Variants in ENOSF1 observed in about 807,000 individuals in gnomAD.
ENOSF1 encodes the protein mitochondrial enolase superfamily member 1.
Under a neutral mutation model 68.2 loss-of-function variants are expected in ENOSF1, and 73 were observed. The ratio of observed to expected loss-of-function variants is 1.07; its 90% CI spans 0.89 to 1.30. ENOSF1 has a LOEUF of 1.30. Ranked by LOEUF, ENOSF1 falls within the 50% of genes most tolerant of loss-of-function variation. The pLI is 0.00. For synonymous variants in ENOSF1, 223 were observed against 210.4 expected (o/e 1.06, Z -0.52); for missense variants, 589 against 554.5 (o/e 1.06, Z -0.62).
chr18:693,967 G>A (rs1456909062), intron 4 of ENOSF1, 59 bp from the exon 5 acceptor site: 2 of 1,555,622 alleles, frequency 1.3e-6, no homozygotes, highest in Non-Finnish European at 1.7e-6. Context: ...ATTTTTTCCT[G>A]ACAGTAAACG....
At chr18:702,371 G>A (rs1375550734) in intron 2 of ENOSF1, among the ~76,000 whole-genome samples, 1 of 150,766 alleles carries the variant, frequency 6.6e-6, no homozygotes, top group East Asian at 2.0e-4. Context: ...TCAGGAGTTT[G>A]AGACCAGCCT....
downstream of ENOSF1, among the ~76,000 whole-genome samples, chr18:668,124 G>T (rs747382151): frequency 6.6e-6 from 1 of 150,954 alleles, no homozygotes; most frequent in Non-Finnish European, 1.5e-5. Context: ...GTCAGATTTT[G>T]CTAGTTTTAC....
chr18:712,616 C>T lies in ENOSF1; in HGVS notation c.-29G>A, dbSNP rs1433331885. Reference sequence around the variant, plus strand: ...CCCTGCGCCCCGTGGCCGCGGCCCCCGTGCGGTCAGGACTGGTCGGGATCC... The same window carrying T: ...CCCTGCGCCCCGTGGCCGCGGCCCCTGTGCGGTCAGGACTGGTCGGGATCC... On this transcript the variant is annotated 5_prime_UTR_variant, in exon 1 of 16. Transcript: ENST00000647584. The T allele has an allele frequency of 1.7e-5, 22 of 1,298,626 alleles. No individual in the cohort carries two copies. Among genetic ancestry groups the T allele is most frequent in the Non-Finnish European group, 2.2e-5 (22 of 996,420 alleles). 80.4% of individuals were successfully genotyped at this position (1,298,626 alleles called of 1,614,324 possible). A position where few individuals can be genotyped will look rare whatever the true frequency, so the allele number is the denominator to read the frequency against.
chr18:674,297 C>T lies in ENOSF1; in HGVS notation c.*8G>A, dbSNP rs184076791. 3.8e-6 allele frequency: 6 copies of T among 1,596,474 alleles called. No homozygotes were observed. Among genetic ancestry groups the T allele is most frequent in the Non-Finnish European group, 5.1e-6 (6 of 1,168,854 alleles). The stretch of plus-strand genomic sequence containing the variant: ...TTCAGAAAGAAAAAAGTTGTTGGGG[C>T]TGAGCACTTAATTTTCTTGAGCAGG... On this transcript the variant is annotated 3_prime_UTR_variant, in exon 16 of 16. Transcript: ENST00000647584.
At chr18:690,922 C>T (rs551379566) in intron 7 of ENOSF1, 146 bp downstream of exon 7, 1 of 1,185,136 alleles carries the variant, frequency 8.4e-7, no homozygotes, top group Non-Finnish European at 1.2e-6. Context: ...CAGCAGGCTT[C>T]ACCATGCAGA....
intron 11 of ENOSF1, among the ~76,000 whole-genome samples, chr18:679,211 T>TC (rs1370422483): frequency 1.5e-5 from 1 of 67,358 alleles, no homozygotes; most frequent in Non-Finnish European, 3.1e-5. Flanking sequence ...CTCATATCTT[T>TC]TTTTTTTTTT....
chr18:712,606 C>G lies in ENOSF1; in HGVS notation c.-19G>C. On this transcript the variant is annotated 5_prime_UTR_variant, in exon 1 of 16. Coordinates refer to ENST00000647584, the MANE Select transcript of ENOSF1 (RefSeq NM_017512.7). ...GCACCATGGCCCCTGCGCCCCGTGGCCGCGGCCCCCGTGCGGTCAGGACTG... is the reference window on the plus strand; with the variant it reads ...GCACCATGGCCCCTGCGCCCCGTGGGCGCGGCCCCCGTGCGGTCAGGACTG... The G allele has an allele frequency of 5.2e-6, 8 of 1,531,798 alleles. No individual in the cohort carries two copies. The highest frequency in any genetic ancestry group is 7.0e-6 in the Non-Finnish European group (8 of 1,143,702). 94.9% of individuals were successfully genotyped at this position (1,531,798 alleles called of 1,614,324 possible).
intron 9 of ENOSF1, chr18:687,270 G>A (rs2847154): frequency 0.2 from 30,708 of 152,134 alleles, 3,393 homozygotes; most frequent in Admixed American, 0.27. Context: ...CTCTTTCCGC[G>A]GCTTCATGCT....
rs978107696 is a variant in ENOSF1, at chr18:679,711, CCT to C, written c.877-976_877-975del. On this transcript the variant is annotated intron_variant, in intron 11 of 15. Transcript: ENST00000647584. ...TGAACACAGCCCTGCTGCTCTCTGT[CCT>C]CTCACCTGGCCCCTGAACACTACCT... 8.3e-4 allele frequency among the ~76,000 whole-genome samples: 126 copies of C among 152,210 alleles called. 2 individuals carry two copies. Among genetic ancestry groups the C allele is most frequent in the African/African-American group, 3.0e-3 (123 of 41,536 alleles).
chr18:680,202 G>C (rs796355550), intron 11 of ENOSF1, among the ~76,000 whole-genome samples: 1 of 152,198 alleles, frequency 6.6e-6, no homozygotes, highest in South Asian at 2.1e-4. Flanking sequence ...CGGGATGTGT[G>C]GCCTTGGGCA....
rs770503781 is a variant in ENOSF1, at chr18:688,599, G to C, written c.628C>G (p.Gln210Glu). The change falls in exon 9 of 16, where the codon CAG becomes GAG. Residue 210 changes from glutamine to glutamate, a missense_variant. Transcript: ENST00000647584. ...CTGGTCCAGCCATCCTTCAGCGCCT[G>C]GGCACAGAGCTGTGGGAAAGGAGCA... ...SDDTLKQLCA[Q>E]ALKDGWTRFK... is the part of the protein sequence containing the mutation. 8.7e-6 allele frequency: 14 copies of C among 1,614,030 alleles called. No individual in the cohort carries two copies. Among genetic ancestry groups the C allele is most frequent in the Non-Finnish European group, 1.2e-5 (14 of 1,179,996 alleles).
At chr18:679,197 C>T (rs180706488) in intron 11 of ENOSF1, among the ~76,000 whole-genome samples, 1 of 145,096 alleles carries the variant, frequency 6.9e-6, no homozygotes, top group Non-Finnish European at 1.5e-5. Flanking sequence ...CCTTCTAGAA[C>T]CCTCTCATAT....
chr18:688,477 G>C, intron 9 of ENOSF1, 97 bp downstream of exon 9: 14 of 1,527,714 alleles, frequency 9.2e-6, no homozygotes, highest in Non-Finnish European at 1.3e-5. Flanking sequence ...CCTAGCCCGT[G>C]GGTGCCTTTT....
chr18:681,737 G>T (rs2076097381), intron 11 of ENOSF1, among the ~76,000 whole-genome samples: 1 of 152,140 alleles, frequency 6.6e-6, no homozygotes, highest in Admixed American at 6.5e-5. Context: ...TCTCCTCAAT[G>T]AACTTTTCTA....
chr18:680,006 T>C (rs1011520383), intron 11 of ENOSF1, among the ~76,000 whole-genome samples: 6 of 152,216 alleles, frequency 3.9e-5, no homozygotes, highest in South Asian at 2.1e-4. Flanking sequence ...ATGATAAAAC[T>C]GTGTGCCGGG....
chr18:666,302 T>G (rs113382317), downstream of ENOSF1, among the ~76,000 whole-genome samples: 3,910 of 151,968 alleles, frequency 0.026, 173 homozygotes, highest in African/African-American at 0.089. Context: ...ATTGCTTTGT[T>G]GTGGCTTTAA....
intron 8 of ENOSF1, among the ~76,000 whole-genome samples, chr18:690,161 T>C (rs553715050): frequency 6.6e-6 from 1 of 152,208 alleles, no homozygotes; most frequent in East Asian, 1.9e-4. Flanking sequence ...AAGTAGTGTT[T>C]CCCTGAATTC....
chr18:694,049 C>T (rs56189228), intron 4 of ENOSF1, 141 bp from the exon 5 acceptor site: 14,201 of 1,067,500 alleles, frequency 0.013, 122 homozygotes, highest in Non-Finnish European at 0.016. Context: ...CTGCGCCTTC[C>T]GCCATCCTGT....
In ENOSF1 at chr18:677,827, G is replaced by C; in HGVS notation, c.964C>G (p.Leu322Val). 1 of 1,614,164 alleles carries C rather than the reference G, an allele frequency of 6.2e-7. No individual in the cohort carries two copies. The highest frequency in any genetic ancestry group is 8.5e-7 in the Non-Finnish European group (1 of 1,180,020). Residue 322 changes from leucine to valine, a missense_variant, in exon 13 of 16, where the codon CTG becomes GTG. Physicochemically the swap from Leu to Val is conservative, Grantham distance 32. Coordinates refer to ENST00000647584, the MANE Select transcript of ENOSF1 (RefSeq NM_017512.7). ...CAACTGTCAATCTGGAGGAACTGCA[G>C]GGCCTTCGCCTGTAGGAGTTGCTTA... ...IFKQLLQAKA[L>V]QFLQIDSCRL...
Sources: allele counts gnomAD v4.1 joint callset (sites outside exome capture counted in the v4.1 genomes callset), GRCh38; gene constraint gnomAD v4.1.1; transcripts MANE v1.5; gene names NCBI Gene and HGNC (gene_info 2026-07-23, HGNC 2026-07-21).